CCDC178: variants seen among roughly 807,000 people sequenced by gnomAD.
CCDC178 encodes the protein coiled-coil domain containing 178, also known as coiled-coil domain-containing protein 178.
Under a neutral mutation model 117.4 loss-of-function variants are expected in CCDC178, and 126 were observed. That is an observed-to-expected ratio of 1.07 (90% confidence interval 0.93 to 1.24). The LOEUF is 1.24. CCDC178 is among the 50% of genes most tolerant of loss of function. CCDC178 has a pLI of 0.00. For synonymous variants in CCDC178, 283 were observed against 313.4 expected (o/e 0.90, Z 1.02); for missense variants, 1,030 against 986.9 (o/e 1.04, Z -0.59).
At position 33,005,117 on chromosome 18, in the gene CCDC178, T is replaced by C. The variant is rs533269568; in HGVS notation, c.2389-30436A>G. ...GACCCAACAATCCTACTGCTAGATA[T>C]ATACCCGAAAGAAAGAAAGTCAGTA... On this transcript the variant is annotated intron_variant, in intron 21 of 22. Transcript: ENST00000383096. Among the ~76,000 whole-genome samples, 21 of 152,220 alleles carry C rather than the reference T, an allele frequency of 1.4e-4. No homozygotes were observed. In the East Asian group the frequency reaches 3.9e-3, roughly 28 times the overall value.
chr18:33,197,399 A>C (rs2058943285), intron 20 of CCDC178, among the ~76,000 whole-genome samples: 1 of 152,046 alleles, frequency 6.6e-6, no homozygotes, highest in African/African-American at 2.4e-5. Context: ...AGTGGTAATA[A>C]TATCCTACTG....
chr18:33,324,755 C>A (rs1037718136), intron 10 of CCDC178, among the ~76,000 whole-genome samples: 6 of 151,762 alleles, frequency 4.0e-5, no homozygotes, highest in African/African-American at 1.4e-4. Context: ...TTAATTGTCC[C>A]TTTATTTTCT....
chr18:33,276,028 GTAAATAAATAAA>G (rs148486473), intron 12 of CCDC178, among the ~76,000 whole-genome samples: 3 of 146,754 alleles, frequency 2.0e-5, no homozygotes, highest in Non-Finnish European at 4.5e-5. Context: ...AAGTAAGTGA[GTAAATAAATAAA>G]TAAATAAATA....
intron 15 of CCDC178, among the ~76,000 whole-genome samples, chr18:33,244,968 T>C (rs1599045514): frequency 6.6e-6 from 1 of 151,924 alleles, no homozygotes; most frequent in African/African-American, 2.4e-5. Context: ...AGGATAAAGA[T>C]GAACTGAGCA....
chr18:33,309,938 CTTTT>C (rs1266618667), intron 11 of CCDC178, among the ~76,000 whole-genome samples: 3 of 132,952 alleles, frequency 2.3e-5, no homozygotes, highest in Non-Finnish European at 3.3e-5. Flanking sequence ...TTTTTCTTTT[CTTTT>C]ATTTATTTAT....
At chr18:33,208,142 T>C (rs1247479042) in intron 20 of CCDC178, among the ~76,000 whole-genome samples, 1 of 152,122 alleles carries the variant, frequency 6.6e-6, no homozygotes, top group Non-Finnish European at 1.5e-5. Flanking sequence ...GTGTGATTAA[T>C]TGATGCTCAA....
chr18:33,404,422 TATAATA>T (rs1315622486), intron 3 of CCDC178, among the ~76,000 whole-genome samples: 141 of 151,824 alleles, frequency 9.3e-4, no homozygotes, highest in Non-Finnish European at 3.2e-4. Flanking sequence ...ACTAGGAGGC[TATAATA>T]ATAAAGTAAA....
chr18:33,148,295 G>A (rs944571830), intron 20 of CCDC178, among the ~76,000 whole-genome samples: 3 of 152,176 alleles, frequency 2.0e-5, no homozygotes, highest in African/African-American at 2.4e-5. Context: ...GTGGCGGCGC[G>A]TGCCTGCAAT....
chr18:33,294,471 C>T (rs1212928895), intron 11 of CCDC178, among the ~76,000 whole-genome samples: 1 of 152,062 alleles, frequency 6.6e-6, no homozygotes, highest in East Asian at 1.9e-4. Context: ...AGAATATGAA[C>T]AATCACCAAT....
At chr18:33,035,343 G>A (rs1369666814) in intron 21 of CCDC178, among the ~76,000 whole-genome samples, 7 of 151,794 alleles carry the variant, frequency 4.6e-5, no homozygotes, top group Non-Finnish European at 2.9e-5. Context: ...GGGAGAGTAA[G>A]TAGCAACAGC....
intron 20 of CCDC178, among the ~76,000 whole-genome samples, chr18:33,165,294 CA>C (rs1489165407): frequency 1.3e-5 from 2 of 152,028 alleles, no homozygotes; most frequent in Non-Finnish European, 2.9e-5. Context: ...CCAGCCTGGA[CA>C]ACAGAGCATT....
At chr18:33,210,291 G>T (rs1481767451) in intron 20 of CCDC178, among the ~76,000 whole-genome samples, 1 of 151,982 alleles carries the variant, frequency 6.6e-6, no homozygotes, top group Admixed American at 6.6e-5. Flanking sequence ...AGTTCAGATA[G>T]AGATCAGTGC....
At chr18:33,428,050 T>G (rs1375898356) in intron 2 of CCDC178, among the ~76,000 whole-genome samples, 1 of 152,218 alleles carries the variant, frequency 6.6e-6, no homozygotes, top group Non-Finnish European at 1.5e-5. Flanking sequence ...AAAATTCTTA[T>G]GAAAAAACTA....
intron 21 of CCDC178, among the ~76,000 whole-genome samples, chr18:32,987,370 CA>C (rs2055284691): frequency 6.6e-6 from 1 of 151,778 alleles, no homozygotes; most frequent in Non-Finnish European, 1.5e-5. Context: ...GACCTTAAGA[CA>C]AATAGTGTTC....
chr18:32,976,183 T>C (rs1325516734), intron 21 of CCDC178, among the ~76,000 whole-genome samples: 1 of 152,180 alleles, frequency 6.6e-6, no homozygotes, highest in Non-Finnish European at 1.5e-5. Flanking sequence ...AATTAAAACT[T>C]AGCATTATTA....
intron 22 of CCDC178, among the ~76,000 whole-genome samples, chr18:32,938,718 C>A (rs943556001): frequency 6.6e-6 from 1 of 151,980 alleles, no homozygotes; most frequent in Non-Finnish European, 1.5e-5. Context: ...TGTAGGATCC[C>A]CACTGTTTTC....
chr18:33,325,332 T>C (rs2062569788), intron 10 of CCDC178, among the ~76,000 whole-genome samples: 1 of 152,084 alleles, frequency 6.6e-6, no homozygotes, highest in Non-Finnish European at 1.5e-5. Context: ...CTAGATTTTC[T>C]GCTGTTAAAC....
At chr18:32,981,171 C>CTG (rs781577225) in intron 21 of CCDC178, among the ~76,000 whole-genome samples, 37 of 152,158 alleles carry the variant, frequency 2.4e-4, no homozygotes, top group Non-Finnish European at 5.1e-4. Flanking sequence ...TAGTTAGACT[C>CTG]TGTCTCTAAA....
At chr18:33,291,173 G>C (rs142060291) in intron 12 of CCDC178, among the ~76,000 whole-genome samples, 1 of 152,004 alleles carries the variant, frequency 6.6e-6, no homozygotes, top group African/African-American at 2.4e-5. Flanking sequence ...AATCTCAGGG[G>C]TGGGAAAATT....
Sources: allele counts gnomAD v4.1 joint callset (sites outside exome capture counted in the v4.1 genomes callset), GRCh38; gene constraint gnomAD v4.1.1; transcripts MANE v1.5; gene names NCBI Gene and HGNC (gene_info 2026-07-23, HGNC 2026-07-21).